The following ZNF92 variants were observed in gnomAD, a reference collection of about 807,000 sequenced individuals.
ZNF92 encodes the protein zinc finger protein 92, also known as epididymis luminal protein 203.
Under a neutral mutation model 12.4 loss-of-function variants are expected in ZNF92, and 11 were observed. The observed-to-expected ratio is 0.89, with a 90% CI of 0.56 to 1.47. The LOEUF (loss-of-function observed/expected upper bound fraction) is 1.47, where lower values mean the gene tolerates loss of function less well. ZNF92 is among the 40% of genes most tolerant of loss of function. The pLI, the probability that ZNF92 is intolerant of heterozygous loss-of-function variation, is 0.00. For missense variants in ZNF92, 622 were observed against 681.0 expected (o/e 0.91, Z 0.96); for synonymous variants, 206 against 228.6 (o/e 0.90, Z 0.89).
At chr7:65,388,216 A>G (rs1793624867) in intron 2 of ZNF92, 188 bp downstream of exon 2, 2 of 456,108 alleles carry the variant, frequency 4.4e-6, no homozygotes, top group Admixed American at 4.2e-5. Flanking sequence ...AACTCTCCAC[A>G]TTCCTGAGCT....
chr7:65,391,846 GT>G (rs1297949665), intron 3 of ZNF92, among the ~76,000 whole-genome samples: 1 of 152,080 alleles, frequency 6.6e-6, no homozygotes, highest in African/African-American at 2.4e-5. Flanking sequence ...GTGCATGCCA[GT>G]GATTCAAATA....
At chr7:65,382,718 C>G (rs984783340) in intron 1 of ZNF92, among the ~76,000 whole-genome samples, 2 of 152,058 alleles carry the variant, frequency 1.3e-5, no homozygotes, top group Non-Finnish European at 2.9e-5. Context: ...TCCACTTTCC[C>G]CTTCCTTCTC....
chr7:65,390,024 G>T (rs1463331242), intron 3 of ZNF92, among the ~76,000 whole-genome samples: 1 of 151,866 alleles, frequency 6.6e-6, no homozygotes, highest in African/African-American at 2.4e-5. Context: ...GTAGAGATGG[G>T]GTTTCACCAT....
At chr7:65,391,388 A>G (rs1793705136) in intron 3 of ZNF92, among the ~76,000 whole-genome samples, 1 of 152,038 alleles carries the variant, frequency 6.6e-6, no homozygotes, top group Non-Finnish European at 1.5e-5. Flanking sequence ...TCTATTTCAA[A>G]TTTGTCTGTA....
chr7:65,389,766 C>T (rs549867089), intron 3 of ZNF92, among the ~76,000 whole-genome samples: 4 of 151,744 alleles, frequency 2.6e-5, no homozygotes, highest in East Asian at 3.9e-4. Flanking sequence ...CCGCCCGCCT[C>T]GGCCTCCCAA....
chr7:65,375,596 GA>G (rs563978435), intron 1 of ZNF92, among the ~76,000 whole-genome samples: 30 of 145,194 alleles, frequency 2.1e-4, no homozygotes, highest in African/African-American at 2.0e-4. Context: ...AAGATTTGTG[GA>G]AAAAAAAAAA....
chr7:65,387,929 A>G lies in ZNF92; in HGVS notation c.31A>G (p.Ile11Val). The change falls in exon 2 of 4, where the codon ATA becomes GTA. Residue 11 changes from isoleucine (I) to valine (V), a missense_variant. Physicochemically the swap from Ile to Val is conservative, Grantham distance 29 (BLOSUM62 3). Coordinates refer to ENST00000328747, the MANE Select transcript of ZNF92 (RefSeq NM_152626.4). MGPLTFRDVK[I>V]EFSLEEWQCL... ...ACCACTGACATTTAGGGATGTGAAA[A>G]TAGAATTCTCTCTAGAGGAATGGCA... 2 of 1,607,748 alleles carry G rather than the reference A, an allele frequency of 1.2e-6. No individual in the cohort carries two copies. Among genetic ancestry groups the G allele is most frequent in the Non-Finnish European group, 1.7e-6 (2 of 1,177,210 alleles).
At position 65,398,992 on chromosome 7, in the gene ZNF92, C is replaced by T; in HGVS notation, c.878C>T (p.Ala293Val). The T allele has an allele frequency of 1.9e-6, 3 of 1,613,290 alleles. No homozygotes were observed. Among genetic ancestry groups the T allele is most frequent in the Non-Finnish European group, 2.5e-6 (3 of 1,179,742 alleles). ...TACAAATGTGAAGAATGTGGCAAGG[C>T]CTTTAACCAGTTCTCGATTCTTAAT... ...KPYKCEECGK[A>V]FNQFSILNKH... The change falls in exon 4 of 4, where the codon GCC becomes GTC. Residue 293 changes from alanine (A) to valine (V), a missense_variant. Physicochemically the swap from Ala to Val is moderately conservative, Grantham distance 64 (BLOSUM62 0). Transcript: ENST00000328747.
intron 3 of ZNF92, among the ~76,000 whole-genome samples, chr7:65,396,491 AT>A (rs1793849550): frequency 1.3e-5 from 2 of 152,086 alleles, no homozygotes; most frequent in African/African-American, 4.8e-5. Flanking sequence ...CTATTAACAG[AT>A]TTATTCAGAT....
At position 65,399,021 on chromosome 7, in the gene ZNF92, CAT is replaced by C; in HGVS notation, c.909_910del (p.His303GlnfsTer8). 1 of 1,613,186 alleles carries C rather than the reference CAT, an allele frequency of 6.2e-7. No individual in the cohort carries two copies. Among genetic ancestry groups the C allele is most frequent in the South Asian group, 1.1e-5 (1 of 91,038 alleles). On this transcript the variant is annotated frameshift_variant, in exon 4 of 4. Coordinates refer to ENST00000328747, the MANE Select transcript of ZNF92 (RefSeq NM_152626.4). LOFTEE classifies it low-confidence loss of function (END_TRUNC). ...AFNQFSILNK[H>X]KRIHMEDKPY... The stretch of plus-strand genomic sequence containing the variant: ...TAACCAGTTCTCGATTCTTAATAAA[CAT>C]AAGAGAATTCATATGGAAGATAAAC...
In ZNF92 at chr7:65,373,956, A is replaced by G; in HGVS notation, c.-42A>G. On this transcript the variant is annotated 5_prime_UTR_variant, in exon 1 of 4. Coordinates refer to ENST00000328747, the MANE Select transcript of ZNF92 (RefSeq NM_152626.4). ...GACCCTGTTACCTGCAAGAACTTGG[A>G]GGTTCACAGCTAAGACGCCAGGACC... The G allele has an allele frequency of 6.2e-7, 1 of 1,613,944 alleles. No individual in the cohort carries two copies. The highest frequency in any genetic ancestry group is 8.5e-7 in the Non-Finnish European group (1 of 1,179,872).
At chr7:65,376,621 A>T (rs1793248875) in intron 1 of ZNF92, among the ~76,000 whole-genome samples, 1 of 151,950 alleles carries the variant, frequency 6.6e-6, no homozygotes, top group African/African-American at 2.4e-5. Context: ...TAATTTTTGT[A>T]TTTTTGGTAG....
intron 1 of ZNF92, among the ~76,000 whole-genome samples, chr7:65,386,554 A>G (rs1243949768): frequency 6.6e-6 from 1 of 152,122 alleles, no homozygotes; most frequent in African/African-American, 2.4e-5. Context: ...GAACAGGATT[A>G]AGAAAATGCT....
intron 3 of ZNF92, among the ~76,000 whole-genome samples, chr7:65,394,349 A>C (rs1443878325): frequency 6.6e-6 from 1 of 152,034 alleles, no homozygotes; most frequent in African/African-American, 2.4e-5. Context: ...TTGGAAGATC[A>C]TTTGATCATA....
At chr7:65,396,245 T>C (rs1055630868) in intron 3 of ZNF92, among the ~76,000 whole-genome samples, 2 of 152,148 alleles carry the variant, frequency 1.3e-5, no homozygotes, top group African/African-American at 4.8e-5. Context: ...ATGATGTTAC[T>C]ATTACCAGTT....
chr7:65,373,883 C>G lies in ZNF92; in HGVS notation c.-115C>G, dbSNP rs1793155129. Reference sequence around the variant, plus strand: ...TCTCGCTGCAGCCGGCGCTCCACGTCTAGTCTTCACTGCTCTGCGTCCTGT... The same window carrying G: ...TCTCGCTGCAGCCGGCGCTCCACGTGTAGTCTTCACTGCTCTGCGTCCTGT... On this transcript the variant is annotated 5_prime_UTR_variant, in exon 1 of 4. Transcript: ENST00000328747. The G allele has an allele frequency of 3.5e-6, 5 of 1,449,244 alleles. No homozygotes were observed. The highest frequency in any genetic ancestry group is 2.3e-5 in the East Asian group (1 of 43,922). The allele number at this position is 1,449,244 out of a possible 1,614,324, so 89.8% of individuals were successfully genotyped here. A position where few individuals can be genotyped will look rare whatever the true frequency, so the allele number is the denominator to read the frequency against.
intron 1 of ZNF92, among the ~76,000 whole-genome samples, chr7:65,375,169 A>G (rs920418981): frequency 3.9e-5 from 6 of 152,008 alleles, no homozygotes; most frequent in Non-Finnish European, 8.8e-5. Flanking sequence ...AGGCACAGAG[A>G]TCTTATCAGA....
Position 65,399,206 on chromosome 7 carries a change from T to C in ZNF92, c.1092T>C (p.Thr364=), listed in dbSNP as rs754262805. The C allele has an allele frequency of 1.2e-5, 19 of 1,612,414 alleles. No individual in the cohort carries two copies. Among genetic ancestry groups the C allele is most frequent in the Non-Finnish European group, 1.5e-5 (18 of 1,179,530 alleles). Residue 364 remains threonine (T), a synonymous_variant, in exon 4 of 4, where the codon ACT becomes ACC. Transcript: ENST00000328747. The stretch of plus-strand genomic sequence containing the variant: ...TTACTAAACATAAGATAATTCATAC[T>C]GGAGAGAAACCCTACAAATGTGATG... ...SNLTKHKIIH[T]GEKPYKCDEC... is the part of the protein sequence containing the mutation.
rs767039285 is a variant in ZNF92 at position 65,388,902 on chromosome 7, G to C, written c.226+1G>C. The C allele has an allele frequency of 1.3e-6, 2 of 1,571,926 alleles. No homozygotes were observed. Among genetic ancestry groups the C allele is most frequent in the Non-Finnish European group, 1.7e-6 (2 of 1,154,974 alleles). On this transcript the variant is annotated splice_donor_variant, in intron 3 of 3. Coordinates refer to ENST00000328747, the MANE Select transcript of ZNF92 (RefSeq NM_152626.4). LOFTEE classifies it high-confidence loss of function. ...CATGAGATGGTAGACAAAACCCCAGGTAGGTGACAGTTAATACAACAGACA... is the reference window on the plus strand; with the variant it reads ...CATGAGATGGTAGACAAAACCCCAGCTAGGTGACAGTTAATACAACAGACA...
Sources: allele counts gnomAD v4.1 joint callset (sites outside exome capture counted in the v4.1 genomes callset), GRCh38; gene constraint gnomAD v4.1.1; transcripts MANE v1.5; gene names NCBI Gene and HGNC (gene_info 2026-07-23, HGNC 2026-07-21).